NFIA: variants seen among roughly 807,000 people sequenced by gnomAD.
The protein encoded by NFIA is nuclear factor 1 A-type.
In NFIA, 8 loss-of-function variants were observed where a neutral mutation model predicts 62.8. That is an observed-to-expected ratio of 0.13 (90% CI 0.07 to 0.23). The LOEUF is 0.23. Ranked by LOEUF, NFIA falls within the 10% of genes least tolerant of loss-of-function variation. The pLI, the probability that NFIA is intolerant of heterozygous loss-of-function variation, is 1.00. For synonymous variants in NFIA, 235 were observed against 238.1 expected, an observed-to-expected ratio of 0.99 and a Z score of 0.12; for missense variants, 410 against 642.1, an observed-to-expected ratio of 0.64 and a Z score of 3.91.
rs1423274583 is a variant in NFIA at position 61,088,031 on chromosome 1, G to A, written c.28-118G>A. On this transcript the variant is annotated intron_variant, in intron 1 of 10. Coordinates refer to ENST00000403491, the MANE Select transcript of NFIA (RefSeq NM_001134673.4). The surrounding 1 kb of genome is among the most constrained non-coding windows in gnomAD (Gnocchi z 4.5). ...CTGTGTATGATTTTGGTAACAGAATGCTCTAATCAAATTTCAAGTGAAATG... is the reference window on the plus strand; with the variant it reads ...CTGTGTATGATTTTGGTAACAGAATACTCTAATCAAATTTCAAGTGAAATG... 1 of 1,021,264 alleles carries A rather than the reference G, an allele frequency of 9.8e-7. No homozygotes were observed. Among genetic ancestry groups the A allele is most frequent in the Non-Finnish European group, 1.4e-6 (1 of 707,012 alleles). 63.3% of individuals were successfully genotyped at this position (1,021,264 alleles called of 1,614,324 possible). A position where few individuals can be genotyped will look rare whatever the true frequency, so the allele number is the denominator to read the frequency against.
chr1:61,277,866 G>C (rs530476211), intron 3 of NFIA, among the ~76,000 whole-genome samples: 1 of 152,220 alleles, frequency 6.6e-6, no homozygotes, highest in African/African-American at 2.4e-5. Context: ...ATGAGAAGTG[G>C]GGTTAATTTA....
intron 2 of NFIA, among the ~76,000 whole-genome samples, chr1:61,253,920 G>A (rs538937041): frequency 3.3e-5 from 5 of 152,220 alleles, no homozygotes; most frequent in Non-Finnish European, 7.4e-5. Context: ...CTTCATTAAA[G>A]CAAGTATAGG....
At chr1:61,415,938 CAACT>C (rs1386408673) in intron 9 of NFIA, among the ~76,000 whole-genome samples, 2 of 152,028 alleles carry the variant, frequency 1.3e-5, no homozygotes. Flanking sequence ...AAATACCTAC[CAACT>C]GAGTATTGTA....
At chr1:61,284,831 G>A (rs1455558074) in intron 3 of NFIA, among the ~76,000 whole-genome samples, 2 of 151,706 alleles carry the variant, frequency 1.3e-5, no homozygotes, top group African/African-American at 2.4e-5. Flanking sequence ...AGTTACACAG[G>A]AAAGAAGAAA....
rs552510406 is a variant in NFIA at position 61,450,360 on chromosome 1, G to A, written c.1513-4943G>A. Among the ~76,000 whole-genome samples, 7 of 152,284 alleles carry A rather than the reference G, an allele frequency of 4.6e-5. No individual in the cohort carries two copies. In the South Asian group the frequency reaches 1.5e-3, roughly 32 times the overall value. ...AGACTACTGGGCTTTTGGCTGATTT[G>A]CCAAGGACAACTCATTTGGGCTAAA... On this transcript the variant is annotated intron_variant, in intron 10 of 10. Coordinates refer to ENST00000403491, the MANE Select transcript of NFIA (RefSeq NM_001134673.4).
intron 10 of NFIA, 29 bp from the exon 11 acceptor site, chr1:61,455,274 T>C (rs771726612): frequency 6.2e-7 from 1 of 1,612,522 alleles, no homozygotes; most frequent in South Asian, 1.1e-5. Context: ...AATTGTGATT[T>C]TAATTGTATT....
intron 7 of NFIA, among the ~76,000 whole-genome samples, chr1:61,398,860 A>T (rs1289827072): frequency 6.6e-6 from 1 of 152,242 alleles, no homozygotes; most frequent in Non-Finnish European, 1.5e-5. Context: ...TCTCAGCTTT[A>T]GGTGGGGTAT....
chr1:61,277,407 G>A, intron 2 of NFIA, 113 bp from the exon 3 acceptor site: 2 of 894,352 alleles, frequency 2.2e-6, no homozygotes, highest in South Asian at 3.2e-5. Flanking sequence ...TGTCATTTCT[G>A]TAATGTTCCC....
intron 3 of NFIA, among the ~76,000 whole-genome samples, chr1:61,307,122 T>C (rs770827946): frequency 1.3e-5 from 2 of 152,186 alleles, no homozygotes; most frequent in Non-Finnish European, 2.9e-5. Context: ...GGAAGGATTT[T>C]TGCATTCTAC....
At chr1:61,388,295 T>A (rs537915558) in intron 7 of NFIA, among the ~76,000 whole-genome samples, 1 of 152,246 alleles carries the variant, frequency 6.6e-6, no homozygotes, top group South Asian at 2.1e-4. Flanking sequence ...TCAAAGACTT[T>A]CTTTTACCAC....
At chr1:61,427,211 G>T (rs886444264) in intron 10 of NFIA, among the ~76,000 whole-genome samples, 2 of 152,114 alleles carry the variant, frequency 1.3e-5, no homozygotes, top group African/African-American at 4.8e-5. Flanking sequence ...GTTGTGTTTT[G>T]TGCTAGTCTA....
chr1:61,137,680 TAGGC>T (rs1346247070), intron 2 of NFIA, among the ~76,000 whole-genome samples: 1 of 152,164 alleles, frequency 6.6e-6, no homozygotes, highest in African/African-American at 2.4e-5. Flanking sequence ...TGATTCCAGG[TAGGC>T]AACCTGCACT....
At chr1:61,135,529 C>G (rs1647167524) in intron 2 of NFIA, among the ~76,000 whole-genome samples, 1 of 152,182 alleles carries the variant, frequency 6.6e-6, no homozygotes, top group Non-Finnish European at 1.5e-5. Flanking sequence ...GTCAGCCTCT[C>G]AAGTAGCTGG....
upstream of NFIA, chr1:61,077,609 ACT>A (rs1646047707): frequency 2.1e-6 from 3 of 1,407,376 alleles, no homozygotes; most frequent in Non-Finnish European, 2.8e-6. Context: ...TTTCTCACGT[ACT>A]CTTTTTACAT....
intron 2 of NFIA, among the ~76,000 whole-genome samples, chr1:61,260,800 T>C (rs1656720445): frequency 6.6e-6 from 1 of 152,156 alleles, no homozygotes; most frequent in African/African-American, 2.4e-5. Context: ...CAGGATGGTC[T>C]CGATCTCCTG....
intron 2 of NFIA, among the ~76,000 whole-genome samples, chr1:61,243,655 T>C (rs1293338461): frequency 2.0e-5 from 3 of 152,212 alleles, no homozygotes; most frequent in Non-Finnish European, 4.4e-5. Flanking sequence ...TTTTACTTAT[T>C]CGTAACAAGT....
chr1:61,368,261 G>A (rs1037373862), intron 6 of NFIA, among the ~76,000 whole-genome samples: 1 of 152,148 alleles, frequency 6.6e-6, no homozygotes, highest in Admixed American at 6.6e-5. Flanking sequence ...TCCTCCCTGT[G>A]CCTGTCACCA....
chr1:61,356,611 G>C (rs4915737), intron 5 of NFIA, among the ~76,000 whole-genome samples: 133,573 of 152,254 alleles, frequency 0.88, 58,626 homozygotes, highest in East Asian at 0.95. Context: ...TGTGTATATC[G>C]TCTTATAAAG....
At chr1:61,232,327 T>C (rs1654723792) in intron 2 of NFIA, among the ~76,000 whole-genome samples, 1 of 152,158 alleles carries the variant, frequency 6.6e-6, no homozygotes. Context: ...TGGGCTAGAC[T>C]CATTTTAACT....
Sources: allele counts gnomAD v4.1 joint callset (sites outside exome capture counted in the v4.1 genomes callset), GRCh38; gene constraint gnomAD v4.1.1; non-coding constraint Gnocchi (gnomAD v3.1); transcripts MANE v1.5; gene names NCBI Gene and HGNC (gene_info 2026-07-23, HGNC 2026-07-21).